The following TBC1D1 variants were observed in gnomAD, a reference collection of about 807,000 sequenced individuals.
TBC1D1 encodes TBC1 (tre-2/USP6, BUB2, cdc16) domain family, member 1.
In TBC1D1, 89 loss-of-function variants were observed where a neutral mutation model predicts 125.6. That is an observed-to-expected ratio of 0.71 (90% CI 0.60 to 0.85). TBC1D1 has a LOEUF of 0.85. Among genes scored for constraint, TBC1D1 ranks in the 40% least tolerant of loss-of-function variants. TBC1D1 has a pLI of 0.00. For synonymous variants in TBC1D1, 565 were observed against 564.1 expected (o/e 1.00, Z -0.02); for missense variants, 1,377 against 1,469.2 (o/e 0.94, Z 1.03).
At chr4:37,949,337 T>G (rs1295267149) in intron 2 of TBC1D1, among the ~76,000 whole-genome samples, 1 of 152,256 alleles carries the variant, frequency 6.6e-6, no homozygotes, top group Non-Finnish European at 1.5e-5. Context: ...AAGGAATTGA[T>G]AACTTTTATT....
intron 13 of TBC1D1, 120 bp from the exon 16 acceptor site, chr4:38,095,809 C>T (rs1408242342): frequency 1.3e-5 from 13 of 1,017,634 alleles, no homozygotes; most frequent in African/African-American, 4.8e-5. Context: ...TATTTAGACG[C>T]GTTAAGCCAG....
At chr4:38,123,718 G>A (rs781102621) in intron 17 of TBC1D1, among the ~76,000 whole-genome samples, 88 of 152,002 alleles carry the variant, frequency 5.8e-4, no homozygotes, top group African/African-American at 1.9e-3. Context: ...TGATCTCAGC[G>A]CTGGCATGGC....
chr4:37,905,898 C>T (rs1038795039), intron 2 of TBC1D1, among the ~76,000 whole-genome samples: 21 of 152,162 alleles, frequency 1.4e-4, no homozygotes. Flanking sequence ...TTAAAATTTC[C>T]ATTAGAAACT....
In TBC1D1 at chr4:37,902,210, A is replaced by C; in HGVS notation, c.115A>C (p.Met39Leu). 1.9e-6 allele frequency: 3 copies of C among 1,614,088 alleles called. No homozygotes were observed. The highest frequency in any genetic ancestry group is 2.5e-6 in the Non-Finnish European group (3 of 1,179,994). The change falls in exon 2 of 20, where the codon ATG becomes CTG. Residue 39 changes from methionine (M) to leucine (L), a missense_variant. Physicochemically the swap from Met to Leu is conservative, Grantham distance 15. This residue lies in a region of TBC1D1 where 822 missense variants were observed against 824.6 expected (regional missense o/e 1.00). Coordinates refer to ENST00000261439, the MANE Select transcript of TBC1D1 (RefSeq NM_015173.4). ...TGTGCATTCCCTGACCACCATGCCC[A>C]TGCTGCCCTGGGTTGTGGCTGAGGT...
At chr4:37,990,861 C>T (rs1409571846) in intron 2 of TBC1D1, among the ~76,000 whole-genome samples, 1 of 152,188 alleles carries the variant, frequency 6.6e-6, no homozygotes, top group Non-Finnish European at 1.5e-5. Flanking sequence ...GACCACCAGA[C>T]CACACAACTC....
intron 12 of TBC1D1, among the ~76,000 whole-genome samples, chr4:38,075,911 C>T (rs1291685454): frequency 2.6e-5 from 4 of 151,946 alleles, no homozygotes; most frequent in African/African-American, 4.8e-5. Context: ...GTTTTTTTTC[C>T]CTTGGTCACA....
rs1733563460 is a variant in TBC1D1 at position 37,977,920 on chromosome 4, C to T, written c.418-36589C>T. Among the ~76,000 whole-genome samples, 1 of 152,114 alleles carries T rather than the reference C, an allele frequency of 6.6e-6. No homozygotes were observed. The highest frequency in any genetic ancestry group is 2.4e-5 in the African/African-American group (1 of 41,420). On this transcript the variant is annotated intron_variant, in intron 2 of 19. Coordinates refer to ENST00000261439, the MANE Select transcript of TBC1D1 (RefSeq NM_015173.4). This position sits in a 1 kb window ranked among gnomAD's most constrained non-coding sequence, Gnocchi z 4.3. ...GTGTCTCCCTCGCGGGTGTCGCCCTCGTGTGTCTCCCTCGCAGAAGTCGGC... is the reference window on the plus strand; with the variant it reads ...GTGTCTCCCTCGCGGGTGTCGCCCTTGTGTGTCTCCCTCGCAGAAGTCGGC...
At chr4:38,070,675 T>TA (rs576957301) in intron 12 of TBC1D1, among the ~76,000 whole-genome samples, 8 of 152,108 alleles carry the variant, frequency 5.3e-5, no homozygotes, top group East Asian at 3.9e-4. Flanking sequence ...TTATAGTATG[T>TA]AAAAAAAACA....
chr4:37,960,828 G>A (rs1265155115), intron 2 of TBC1D1: 7 of 1,614,158 alleles, frequency 4.3e-6, no homozygotes, highest in Non-Finnish European at 5.9e-6. Flanking sequence ...TGACCTGCCT[G>A]AAGAGCGCCA....
In TBC1D1 at chr4:38,014,680, A is replaced by T. The variant is rs1406296048; in HGVS notation, c.589A>T (p.Ile197Phe). 2.5e-6 allele frequency: 4 copies of T among 1,613,038 alleles called. No individual in the cohort carries two copies. The African/African-American group carries it at 5.3e-5, about 22-fold the overall frequency. ...TCCGCCGGCCCTGATCGACGAGTGC[A>T]TCGAGAAGTTCAATCACGTCAGCGG... The change falls in exon 3 of 20, where the codon ATC (isoleucine) becomes TTC (phenylalanine). Residue 197 changes from isoleucine to phenylalanine, a missense_variant. Ile to Phe is a conservative substitution (Grantham distance 21). Transcript: ENST00000261439. This position sits in a 1 kb window ranked among gnomAD's most constrained non-coding sequence, Gnocchi z 5.1.
intron 6 of TBC1D1, among the ~76,000 whole-genome samples, chr4:38,026,312 T>C (rs144336851): frequency 1.3e-5 from 2 of 152,158 alleles, no homozygotes; most frequent in East Asian, 1.9e-4. Context: ...TACTTAGAGG[T>C]TGTGGGCTCT....
chr4:38,082,611 G>C (rs939077485), intron 12 of TBC1D1, among the ~76,000 whole-genome samples: 6 of 152,146 alleles, frequency 3.9e-5, no homozygotes, highest in Non-Finnish European at 5.9e-5. Context: ...TTTCTCCCAT[G>C]CGTTATCTCC....
At chr4:37,985,614 C>T (rs1054912761) in intron 2 of TBC1D1, among the ~76,000 whole-genome samples, 2 of 152,100 alleles carry the variant, frequency 1.3e-5, no homozygotes, top group African/African-American at 2.4e-5. Flanking sequence ...ATTTTAAAAT[C>T]CATTAATGTC....
At chr4:37,941,797 G>A (rs1725631748) in intron 2 of TBC1D1, among the ~76,000 whole-genome samples, 2 of 152,174 alleles carry the variant, frequency 1.3e-5, no homozygotes, top group South Asian at 4.1e-4. Context: ...TAGTCATTCA[G>A]GAGCAAGTTG....
chr4:37,897,192 G>T (rs986155080), intron 1 of TBC1D1, among the ~76,000 whole-genome samples: 5 of 152,106 alleles, frequency 3.3e-5, no homozygotes, highest in Non-Finnish European at 5.9e-5. Context: ...TAATCAAATG[G>T]TTTGTTAGTA....
At chr4:38,027,295 A>G (rs34402247) in intron 6 of TBC1D1, among the ~76,000 whole-genome samples, 22,010 of 152,194 alleles carry the variant, frequency 0.14, 1,758 homozygotes, top group East Asian at 0.2. Flanking sequence ...AGCTCAGAAG[A>G]TGATGACAAA....
intron 8 of TBC1D1, 50 bp downstream of exon 8, chr4:38,035,748 C>G: frequency 7.5e-7 from 1 of 1,336,842 alleles, no homozygotes; most frequent in Non-Finnish European, 1.1e-6. Context: ...TGCCAAGTCT[C>G]TGTATAAACA....
At chr4:38,043,478 G>A (rs920325326) in intron 8 of TBC1D1, among the ~76,000 whole-genome samples, 2 of 151,794 alleles carry the variant, frequency 1.3e-5, no homozygotes, top group East Asian at 3.9e-4. Flanking sequence ...AGCTACTCTG[G>A]GGGCCGAGGG....
intron 18 of TBC1D1, among the ~76,000 whole-genome samples, chr4:38,130,953 C>G (rs557694027): frequency 6.6e-6 from 1 of 152,322 alleles, no homozygotes; most frequent in Non-Finnish European, 1.5e-5. Context: ...CAATTCTTTT[C>G]TTTCCCCAAG....
Sources: gnomAD v4.1 joint callset for allele counts (sites outside exome capture counted in the v4.1 genomes callset) on GRCh38, gnomAD v4.1.1 for gene constraint, gnomAD v4.1.1 regional missense constraint, Gnocchi (gnomAD v3.1) non-coding constraint, MANE v1.5 for transcripts, NCBI Gene and HGNC (gene_info 2026-07-23, HGNC 2026-07-21) for gene names.